The following PITPNM2 variants were observed in gnomAD, a reference collection of about 807,000 sequenced individuals.
PITPNM2 encodes the protein phosphatidylinositol transfer protein membrane associated 2.
PITPNM2 carries 35 observed loss-of-function variants against 132.2 expected under a neutral mutation model. The ratio of observed to expected loss-of-function variants is 0.26; its 90% CI spans 0.20 to 0.35. PITPNM2 has a LOEUF of 0.35. Among genes scored for constraint, PITPNM2 ranks in the 10% least tolerant of loss-of-function variants. The probability of loss-of-function intolerance (pLI) is 1.00; values close to 1 mark genes in which losing one functional copy is unlikely to be tolerated. For synonymous variants in PITPNM2, 738 were observed against 799.2 expected, an observed-to-expected ratio of 0.92 and a Z score of 1.29; for missense variants, 1,332 against 1,912.0, an observed-to-expected ratio of 0.70 and a Z score of 5.66.
rs2038215552 is a variant in PITPNM2 at position 122,992,109 on chromosome 12, C to T, written c.2404+390G>A. Among the ~76,000 whole-genome samples the T allele has an allele frequency of 6.6e-6, 1 of 152,104 alleles. No homozygotes were observed. Among genetic ancestry groups the T allele is most frequent in the South Asian group, 2.1e-4 (1 of 4,820 alleles). ...ACCCTATCTCGGGGCCAGCCGCCTG[C>T]CATGATGGGACCCAGCCGACCCAGG... On this transcript the variant is annotated intron_variant, in intron 16 of 25. Coordinates refer to ENST00000320201, the MANE Select transcript of PITPNM2 (RefSeq NM_020845.3). The surrounding 1 kb of genome is among the most constrained non-coding windows in gnomAD (Gnocchi z 6.5).
intron 2 of PITPNM2, among the ~76,000 whole-genome samples, chr12:123,054,538 C>T (rs1004811324): frequency 3.3e-5 from 5 of 152,186 alleles, no homozygotes; most frequent in African/African-American, 1.2e-4. Context: ...AAGCTGTCGG[C>T]AGCTGTGTCC....
At position 122,994,419 on chromosome 12, in the gene PITPNM2, A is replaced by G. The variant is rs2038329149; in HGVS notation, c.2233+382T>C. Among the ~76,000 whole-genome samples the G allele has an allele frequency of 6.6e-6, 1 of 151,496 alleles. No homozygotes were observed. Among genetic ancestry groups the G allele is most frequent in the Non-Finnish European group, 1.5e-5 (1 of 67,842 alleles). On this transcript the variant is annotated intron_variant, in intron 15 of 25. Coordinates refer to ENST00000320201, the MANE Select transcript of PITPNM2 (RefSeq NM_020845.3). This position sits in a 1 kb window ranked among gnomAD's most constrained non-coding sequence, Gnocchi z 5.4. ...GCCCCTCCAGGGCTGGGAGCCCACT[A>G]TACCCAGGAGGCTTTGGGGATGCCT...
chr12:123,040,067 T>C (rs2040410089), intron 2 of PITPNM2, among the ~76,000 whole-genome samples: 1 of 151,964 alleles, frequency 6.6e-6, no homozygotes, highest in Non-Finnish European at 1.5e-5. Flanking sequence ...GAGGTGGAGG[T>C]TGCAGTGAGC....
chr12:123,136,385 C>T (rs1593034226), intron 1 of PITPNM2, among the ~76,000 whole-genome samples: 1 of 151,952 alleles, frequency 6.6e-6, no homozygotes, highest in Non-Finnish European at 1.5e-5. Context: ...AGAAAAGGGC[C>T]TCCTTCTTGT....
At chr12:123,007,017 C>T (rs1014451155) in intron 6 of PITPNM2, among the ~76,000 whole-genome samples, 5 of 152,196 alleles carry the variant, frequency 3.3e-5, no homozygotes, top group African/African-American at 9.7e-5. Context: ...AAGAAACACA[C>T]CATCGCCGGC....
At chr12:123,047,949 A>C (rs990063136) in intron 2 of PITPNM2, among the ~76,000 whole-genome samples, 3 of 152,102 alleles carry the variant, frequency 2.0e-5, no homozygotes, top group African/African-American at 7.2e-5. Flanking sequence ...AAATACAAAA[A>C]TTAGCCAGGC....
intron 2 of PITPNM2, among the ~76,000 whole-genome samples, chr12:123,050,167 G>A (rs935451278): frequency 6.6e-6 from 1 of 152,230 alleles, no homozygotes; most frequent in Admixed American, 6.5e-5. Context: ...CTGGGGGTGG[G>A]GGTATCTGAA....
At chr12:122,989,362 C>T (rs774686058) in intron 18 of PITPNM2, among the ~76,000 whole-genome samples, 30 of 152,140 alleles carry the variant, frequency 2.0e-4, no homozygotes, top group Non-Finnish European at 3.1e-4. Flanking sequence ...GCAGTGTGGG[C>T]GGGGAAGCCT....
rs1466191530 is a variant in PITPNM2, at chr12:122,993,378, C to T, written c.2234-709G>A. Among the ~76,000 whole-genome samples, 4 of 152,120 alleles carry T rather than the reference C, an allele frequency of 2.6e-5. No individual in the cohort carries two copies. The highest frequency in any genetic ancestry group is 4.4e-5 in the Non-Finnish European group (3 of 68,028). ...CCACGTCATGGAGTTAAGGAGATCA[C>T]GTGAATGCAAGGTTGTGTTAATTAT... On this transcript the variant is annotated intron_variant, in intron 15 of 25. Coordinates refer to ENST00000320201, the MANE Select transcript of PITPNM2 (RefSeq NM_020845.3). This position sits in a 1 kb window ranked among gnomAD's most constrained non-coding sequence, Gnocchi z 5.2.
At chr12:123,129,484 G>A (rs1226224803) in intron 1 of PITPNM2, among the ~76,000 whole-genome samples, 1 of 150,892 alleles carries the variant, frequency 6.6e-6, no homozygotes, top group South Asian at 2.1e-4. Context: ...GCAGAAGAAT[G>A]GCGTGAACCC....
intron 1 of PITPNM2, among the ~76,000 whole-genome samples, chr12:123,120,519 C>G (rs2043014088): frequency 6.6e-6 from 1 of 152,192 alleles, no homozygotes; most frequent in African/African-American, 2.4e-5. Flanking sequence ...GAGTCAGAGC[C>G]CTCAGCCAGA....
rs1181844221 is a variant in PITPNM2, at chr12:122,994,017, G to A, written c.2233+784C>T. On this transcript the variant is annotated intron_variant, in intron 15 of 25. Coordinates refer to ENST00000320201, the MANE Select transcript of PITPNM2 (RefSeq NM_020845.3). The surrounding 1 kb of genome is among the most constrained non-coding windows in gnomAD (Gnocchi z 5.4). ...AGGCTCCCGAGTAGCTGGGATTACA[G>A]GCATGTGCTGCCACACCTGGCTAAT... Among the ~76,000 whole-genome samples, 2 of 152,236 alleles carry A rather than the reference G, an allele frequency of 1.3e-5. No individual in the cohort carries two copies. The highest frequency in any genetic ancestry group is 4.8e-5 in the African/African-American group (2 of 41,462).
At chr12:123,148,743 G>A (rs903739131) in intron 1 of PITPNM2, among the ~76,000 whole-genome samples, 4 of 152,154 alleles carry the variant, frequency 2.6e-5, no homozygotes, top group South Asian at 2.1e-4. Flanking sequence ...GCAGAGAAAC[G>A]TGATACAGCA....
At chr12:123,038,554 T>G (rs1174714504) in intron 2 of PITPNM2, among the ~76,000 whole-genome samples, 1 of 152,262 alleles carries the variant, frequency 6.6e-6, no homozygotes, top group East Asian at 1.9e-4. Context: ...AGGAAAGGCT[T>G]CATGGAAGGC....
In PITPNM2 at chr12:122,985,674, A is replaced by C; in HGVS notation, c.*353T>G. The C allele has an allele frequency of 4.2e-6, 1 of 237,786 alleles. No homozygotes were observed. Among genetic ancestry groups the C allele is most frequent in the East Asian group, 8.1e-5 (1 of 12,420 alleles). The allele number at this position is 237,786 out of a possible 1,614,324, so 14.7% of individuals were successfully genotyped here. On this transcript the variant is annotated 3_prime_UTR_variant, in exon 26 of 26. Transcript: ENST00000320201. ...ACCTGGGAGTGAGGGTGGCCAGTGG[A>C]TGGGGAGGTGGCAGGCTGCGCCTGG...
In PITPNM2 at chr12:122,992,697, C is replaced by T. The variant is rs760364641; in HGVS notation, c.2234-28G>A. On this transcript the variant is annotated intron_variant, in intron 15 of 25. Coordinates refer to ENST00000320201, the MANE Select transcript of PITPNM2 (RefSeq NM_020845.3). This position sits in a 1 kb window ranked among gnomAD's most constrained non-coding sequence, Gnocchi z 6.5. ...GGGGGTGGGGGTGTTGGCTGCAGAG[C>T]TGGGGCTGGCCCTGAGGAGCAGTGG... The T allele has an allele frequency of 4.6e-6, 7 of 1,519,674 alleles. No individual in the cohort carries two copies. In the African/African-American group the frequency reaches 9.8e-5, roughly 21 times the overall value. 94.1% of individuals were successfully genotyped at this position (1,519,674 alleles called of 1,614,324 possible).
intron 16 of PITPNM2, among the ~76,000 whole-genome samples, chr12:122,991,119 C>A (rs2038168837): frequency 6.6e-6 from 1 of 152,226 alleles, no homozygotes; most frequent in Non-Finnish European, 1.5e-5. Context: ...CAACAGGTGC[C>A]ATGGGTGGCT....
chr12:123,059,729 G>A (rs2041170335), intron 2 of PITPNM2, among the ~76,000 whole-genome samples: 1 of 152,212 alleles, frequency 6.6e-6, no homozygotes, highest in Non-Finnish European at 1.5e-5. Flanking sequence ...TCTGGTGTAT[G>A]CCTGATTCTG....
chr12:123,062,319 G>T (rs1217612071), intron 2 of PITPNM2, among the ~76,000 whole-genome samples: 1 of 152,048 alleles, frequency 6.6e-6, no homozygotes, highest in Non-Finnish European at 1.5e-5. Context: ...CGTCCAGTGA[G>T]GGGGTAGAAC....
Sources: allele counts gnomAD v4.1 joint callset (sites outside exome capture counted in the v4.1 genomes callset), GRCh38; gene constraint gnomAD v4.1.1; non-coding constraint Gnocchi (gnomAD v3.1); transcripts MANE v1.5; gene names NCBI Gene and HGNC (gene_info 2026-07-23, HGNC 2026-07-21).